The following LMF2 variants were observed in gnomAD, a reference collection of about 807,000 sequenced individuals.
The protein encoded by LMF2 is lipase maturation factor 2, also known as transmembrane protein 112B.
In LMF2, 113 loss-of-function variants were observed where a neutral mutation model predicts 81.5. The ratio of observed to expected loss-of-function variants is 1.39; its 90% CI spans 1.19 to 1.62. LMF2 has a LOEUF of 1.62. Among genes scored for constraint, LMF2 ranks in the 40% most tolerant of loss-of-function variants. LMF2 has a pLI of 0.00. For synonymous variants in LMF2, 645 were observed against 424.5 expected, an observed-to-expected ratio of 1.52 and a Z score of -6.39; for missense variants, 1,235 against 929.1, an observed-to-expected ratio of 1.33 and a Z score of -4.28.
Position 50,504,879 on chromosome 22 carries a change from G to C in LMF2, c.1360C>G (p.Leu454Val). 1 of 1,611,014 alleles carries C rather than the reference G, an allele frequency of 6.2e-7. No individual in the cohort carries two copies. Among genetic ancestry groups the C allele is most frequent in the Non-Finnish European group, 8.5e-7 (1 of 1,179,038 alleles). The change falls in exon 10 of 14, where the codon CTC becomes GTC. Residue 454 changes from leucine (L) to valine (V), a missense_variant. Coordinates refer to ENST00000474879, the MANE Select transcript of LMF2 (RefSeq NM_033200.3). The stretch of plus-strand genomic sequence containing the variant: ...CCAAGCCCAGTCATGCGGCGGAAGA[G>C]GCCGTAGGAGTTGGCCAGCTGTAGG... ...EHLQLANSYG[L>V]FRRMTGLGGR...
At position 50,507,009 on chromosome 22, in the gene LMF2, G is replaced by A. The variant is rs1402447416; in HGVS notation, c.121C>T (p.Pro41Ser). 2 of 1,596,066 alleles carry A rather than the reference G, an allele frequency of 1.3e-6. No homozygotes were observed. Residue 41 changes from proline to serine, a missense_variant, in exon 2 of 14, where the codon CCT becomes TCT. Pro to Ser is a moderately conservative substitution (Grantham distance 74, BLOSUM62 -1). Coordinates refer to ENST00000474879, the MANE Select transcript of LMF2 (RefSeq NM_033200.3). Reference sequence around the variant, plus strand: ...TGAGGCCGCAGCGTCCTCCTTGCAGGTAGGATGCCCTCGGGGCCATACAGG... The same window carrying A: ...TGAGGCCGCAGCGTCCTCCTTGCAGATAGGATGCCCTCGGGGCCATACAGG... ...PGLYGPEGIL[P>S]ARRTLRPQGK...
intron 11 of LMF2, 44 bp from the exon 12 acceptor site, chr22:50,504,495 G>GCCCCCCCCCCCCCCCCCCCCCC: frequency 8.2e-6 from 11 of 1,339,584 alleles, no homozygotes; most frequent in African/African-American, 1.5e-5. Context: ...TACCCGCCCT[G>GCCCCCCCCCCCCCCCCCCCCCC]CCCCTCCCCT....
At chr22:50,507,179 G>T in intron 1 of LMF2, 144 bp from the exon 2 acceptor site, 1 of 1,349,336 alleles carries the variant, frequency 7.4e-7, no homozygotes, top group Non-Finnish European at 9.8e-7. Flanking sequence ...TCCCTCCAGA[G>T]CCCGTCCCCC....
rs1378984445 is a variant in LMF2, at chr22:50,503,486, CTGGCCTGCGCTTCTCCCCGCTGACTG to C, written c.2003_2028del (p.Pro668ArgfsTer23). On this transcript the variant is annotated frameshift_variant, in exon 14 of 14. Coordinates refer to ENST00000474879, the MANE Select transcript of LMF2 (RefSeq NM_033200.3). LOFTEE classifies it low-confidence loss of function (END_TRUNC). ...GCAGCTCCGGAGTCTTTCTGGGAGGCTGGCCTGCGCTTCTCCCCGCTGACTGGTGCCAGCGGGGAGGACCGGAGAGA... is the reference window on the plus strand; with the variant it reads ...GCAGCTCCGGAGTCTTTCTGGGAGGCGTGCCAGCGGGGAGGACCGGAGAGA... 6.3e-7 allele frequency: 1 copy of C among 1,590,070 alleles called. No homozygotes were observed. The highest frequency in any genetic ancestry group is 8.5e-7 in the Non-Finnish European group (1 of 1,171,284).
Position 50,504,410 on chromosome 22 carries a change from G to T in LMF2, c.1648C>A (p.His550Asn), listed in dbSNP as rs780084108. The T allele has an allele frequency of 5.0e-6, 8 of 1,612,298 alleles. No individual in the cohort carries two copies. The highest frequency in any genetic ancestry group is 6.8e-6 in the Non-Finnish European group (8 of 1,179,720). ...CGGACGTAGGTGGGCGGCTGCTTGTGGAAGGGATACCTGGCCACTTGGCTC... is the reference window on the plus strand; with the variant it reads ...CGGACGTAGGTGGGCGGCTGCTTGTTGAAGGGATACCTGGCCACTTGGCTC... ...VQSQVARYPF[H>N]KQPPTYVRAQ... The change falls in exon 12 of 14, where the codon CAC becomes AAC. Residue 550 changes from histidine (H) to asparagine (N), a missense_variant. Physicochemically the swap from His to Asn is moderately conservative, Grantham distance 68. Transcript: ENST00000474879.
In LMF2 at chr22:50,507,682, T is replaced by C. The variant is rs886876729; in HGVS notation, c.-7A>G. Reference sequence around the variant, plus strand: ...GGAGCCGGGAGCCCGCCATGTCCGCTACGCGGCCCGCTAGAGCAGGGCCCG... The same window carrying C: ...GGAGCCGGGAGCCCGCCATGTCCGCCACGCGGCCCGCTAGAGCAGGGCCCG... On this transcript the variant is annotated 5_prime_UTR_variant, in exon 1 of 14. Transcript: ENST00000474879. 1.3e-6 allele frequency: 2 copies of C among 1,547,976 alleles called. No homozygotes were observed. Among genetic ancestry groups the C allele is most frequent in the Non-Finnish European group, 1.7e-6 (2 of 1,145,900 alleles).
Position 50,503,032 on chromosome 22 carries a change from T to C in LMF2, c.*359A>G. 3 of 264,500 alleles carry C rather than the reference T, an allele frequency of 1.1e-5. No homozygotes were observed. Among genetic ancestry groups the C allele is most frequent in the Non-Finnish European group, 2.2e-5 (3 of 139,376 alleles). The allele number at this position is 264,500 out of a possible 1,614,324, so 16.4% of individuals were successfully genotyped here. A position where few individuals can be genotyped will look rare whatever the true frequency, so the allele number is the denominator to read the frequency against. On this transcript the variant is annotated 3_prime_UTR_variant, in exon 14 of 14. Coordinates refer to ENST00000474879, the MANE Select transcript of LMF2 (RefSeq NM_033200.3). ...GTGAAGATGACGTGGAAGATGACAGTGCTTCCCCTCTTCCCCTGGGAGTCA... is the reference window on the plus strand; with the variant it reads ...GTGAAGATGACGTGGAAGATGACAGCGCTTCCCCTCTTCCCCTGGGAGTCA...
rs752435396 is a variant in LMF2 at position 50,503,444 on chromosome 22, C to A, written c.2071G>T (p.Ala691Ser). The change falls in exon 14 of 14, where the codon GCA (alanine) becomes TCA (serine). Residue 691 changes from alanine to serine, a missense_variant. Physicochemically the swap from Ala to Ser is moderately conservative, Grantham distance 99. Coordinates refer to ENST00000474879, the MANE Select transcript of LMF2 (RefSeq NM_033200.3). The stretch of plus-strand genomic sequence containing the variant: ...CTACTGGAGCAGGGGTTGGGGGCTG[C>A]GGTGGCCTGTTCGGAGGCAGCTCCG... ...DSGAASEQAT[A>S]APNPCSSSSR... 2 of 1,604,936 alleles carry A rather than the reference C, an allele frequency of 1.2e-6. No individual in the cohort carries two copies.
In LMF2 at chr22:50,505,773, A is replaced by C; in HGVS notation, c.817T>G (p.Phe273Val). The C allele has an allele frequency of 6.2e-7, 1 of 1,613,232 alleles. No homozygotes were observed. The highest frequency in any genetic ancestry group is 8.5e-7 in the Non-Finnish European group (1 of 1,179,928). Reference sequence around the variant, plus strand: ...AGCACCAGCGTCATCAGGTTGAAGAAGTTGTAGTTGCCGGTGATGATAATC... The same window carrying C: ...AGCACCAGCGTCATCAGGTTGAAGACGTTGTAGTTGCCGGTGATGATAATC... Reference protein sequence around the residue: ...VLIIITGNYNFFNLMTLVLTT... With the variant: ...VLIIITGNYNVFNLMTLVLTT... The change falls in exon 6 of 14, where the codon TTC (phenylalanine) becomes GTC (valine). Residue 273 changes from phenylalanine (F) to valine (V), a missense_variant. Physicochemically the swap from Phe to Val is conservative, Grantham distance 50. Transcript: ENST00000474879.
rs946296783 is a variant in LMF2 at position 50,503,868 on chromosome 22, G to C, written c.1755C>G (p.Phe585Leu). The change falls in exon 13 of 14, where the codon TTC (phenylalanine) becomes TTG (leucine). Residue 585 changes from phenylalanine to leucine, a missense_variant. Phe to Leu is a conservative substitution (Grantham distance 22, BLOSUM62 0). Coordinates refer to ENST00000474879, the MANE Select transcript of LMF2 (RefSeq NM_033200.3). ...TGGGGTCCCCCAGGGACACGGATGG[G>C]AAGAACTCCTCCACCCACTGGCGCC... ...WWRRQWVEEF[F>L]PSVSLGDPTL... 1 of 1,606,050 alleles carries C rather than the reference G, an allele frequency of 6.2e-7. No individual in the cohort carries two copies. Among genetic ancestry groups the C allele is most frequent in the South Asian group, 1.1e-5 (1 of 91,084 alleles).
chr22:50,507,676 G>T lies in LMF2; in HGVS notation c.-1C>A. On this transcript the variant is annotated 5_prime_UTR_variant, in exon 1 of 14. Coordinates refer to ENST00000474879, the MANE Select transcript of LMF2 (RefSeq NM_033200.3). ...GCCGCGGGAGCCGGGAGCCCGCCATGTCCGCTACGCGGCCCGCTAGAGCAG... is the reference window on the plus strand; with the variant it reads ...GCCGCGGGAGCCGGGAGCCCGCCATTTCCGCTACGCGGCCCGCTAGAGCAG... 1 of 1,549,612 alleles carries T rather than the reference G, an allele frequency of 6.5e-7. No homozygotes were observed. Among genetic ancestry groups the T allele is most frequent in the Non-Finnish European group, 8.7e-7 (1 of 1,146,856 alleles).
rs370563675 is a variant in LMF2 at position 50,505,171 on chromosome 22, A to G, written c.1158-18T>C. ...GGGTCCACCTGTGGGCAAGGACCCA[A>G]GGTCGTCAGGCCGGCCCTGCACACC... is the stretch of plus-strand genomic sequence containing the variant. On this transcript the variant is annotated intron_variant, in intron 8 of 13. Transcript: ENST00000474879. 6.2e-7 allele frequency: 1 copy of G among 1,612,688 alleles called. No homozygotes were observed. The highest frequency in any genetic ancestry group is 8.5e-7 in the Non-Finnish European group (1 of 1,179,848).
chr22:50,504,622 G>A lies in LMF2; in HGVS notation c.1543C>T (p.Pro515Ser), dbSNP rs2068506182. The A allele has an allele frequency of 6.2e-7, 1 of 1,607,516 alleles. No homozygotes were observed. The highest frequency in any genetic ancestry group is 8.5e-7 in the Non-Finnish European group (1 of 1,179,246). ...GTGAACCACGGGCTGTGCGTGTGTGGGCCCAGGGCTGCAAACCACATCTGC... is the reference window on the plus strand; with the variant it reads ...GTGAACCACGGGCTGTGCGTGTGTGAGCCCAGGGCTGCAAACCACATCTGC... ...DWQMWFAALG[P>S]HTHSPWFTSL... Residue 515 changes from proline to serine, a missense_variant, in exon 11 of 14, where the codon CCA becomes TCA. Physicochemically the swap from Pro to Ser is moderately conservative, Grantham distance 74 (BLOSUM62 -1). Transcript: ENST00000474879.
At chr22:50,506,711 C>G (rs2068587227) in intron 2 of LMF2, 45 bp from the exon 3 acceptor site, 1 of 1,613,396 alleles carries the variant, frequency 6.2e-7, no homozygotes, top group Admixed American at 1.7e-5. Flanking sequence ...TCTGTGGACT[C>G]AGGTAAGGTA....
chr22:50,504,802 C>T lies in LMF2; in HGVS notation c.1437G>A (p.Thr479=), dbSNP rs758814972. Residue 479 remains threonine (T), a splice_region_variant and synonymous_variant, in exon 10 of 14, where the codon ACG becomes ACA. Coordinates refer to ENST00000474879, the MANE Select transcript of LMF2 (RefSeq NM_033200.3). ...CCCTGCCCGCCCTGGGAGGGCTCACCGTCCAGTGGTGGCCGTCGTAACTGC... is the reference window on the plus strand; with the variant it reads ...CCCTGCCCGCCCTGGGAGGGCTCACTGTCCAGTGGTGGCCGTCGTAACTGC... ...LEGSYDGHHW[T]EIEFMYKPGN... is the part of the protein sequence containing the mutation. 1.0e-5 allele frequency: 16 copies of T among 1,601,628 alleles called. No individual in the cohort carries two copies. Among genetic ancestry groups the T allele is most frequent in the South Asian group, 5.5e-5 (5 of 90,754 alleles).
At chr22:50,507,484 C>A in intron 1 of LMF2, 98 bp downstream of exon 1, 1 of 967,554 alleles carries the variant, frequency 1.0e-6, no homozygotes, top group Non-Finnish European at 1.6e-6. Flanking sequence ...GCCTGGCCCT[C>A]ACTCCCAACC....
At chr22:50,507,468 G>A in intron 1 of LMF2, 114 bp downstream of exon 1, 2 of 838,516 alleles carry the variant, frequency 2.4e-6, no homozygotes, top group East Asian at 2.7e-5. Context: ...CCTACCCCAC[G>A]CCAAGGCCTG....
rs2068451742 is a variant in LMF2 at position 50,503,214 on chromosome 22, TG to T, written c.*176del. 3 of 589,520 alleles carry T rather than the reference TG, an allele frequency of 5.1e-6. No individual in the cohort carries two copies. The highest frequency in any genetic ancestry group is 6.6e-5 in the East Asian group (2 of 30,492). 36.5% of individuals were successfully genotyped at this position (589,520 alleles called of 1,614,324 possible). On this transcript the variant is annotated 3_prime_UTR_variant, in exon 14 of 14. Transcript: ENST00000474879. ...GTCCTGGGGAGGGGCATGGCTGGCGTGGGGGTGGGGCCTGGAGCCCTCAATG... is the reference window on the plus strand; with the variant it reads ...GTCCTGGGGAGGGGCATGGCTGGCGTGGGGTGGGGCCTGGAGCCCTCAATG...
chr22:50,503,787 G>A lies in LMF2; in HGVS notation c.1815+21C>T, dbSNP rs775105517. On this transcript the variant is annotated intron_variant, in intron 13 of 13. Transcript: ENST00000474879. ...GGGGTCACCCCTGCCACCTCCCCCA[G>A]CCTGGCTGACACCCCCTTACCTGTA... is the stretch of plus-strand genomic sequence containing the variant. 9 of 1,601,108 alleles carry A rather than the reference G, an allele frequency of 5.6e-6. No homozygotes were observed. The South Asian group carries it at 6.6e-5, about 12-fold the overall frequency.
Sources: gnomAD v4.1 joint callset for allele counts on GRCh38, gnomAD v4.1.1 for gene constraint, MANE v1.5 for transcripts, NCBI Gene and HGNC (gene_info 2026-07-23, HGNC 2026-07-21) for gene names.